SPON1: variants seen among roughly 807,000 people sequenced by gnomAD.
SPON1 encodes the protein spondin 1, also known as spondin-1.
In SPON1, 52 loss-of-function variants were observed where a neutral mutation model predicts 111.7. That is an observed-to-expected ratio of 0.47 (90% CI 0.37 to 0.59). The LOEUF is 0.59. SPON1 is among the 20% of genes least tolerant of loss of function. SPON1 has a pLI of 0.00. For synonymous variants in SPON1, 410 were observed against 395.8 expected (o/e 1.04, Z -0.43); for missense variants, 957 against 1,068.5 (o/e 0.90, Z 1.46).
intron 2 of SPON1, among the ~76,000 whole-genome samples, chr11:13,986,886 C>T (rs916714416): frequency 7.9e-5 from 12 of 152,140 alleles, no homozygotes; most frequent in African/African-American, 2.9e-4. Context: ...CTGCAAAGGA[C>T]ATGAACTCAT....
intron 6 of SPON1, among the ~76,000 whole-genome samples, chr11:14,168,520 T>C (rs1171079478): frequency 1.3e-5 from 2 of 152,194 alleles, no homozygotes; most frequent in Admixed American, 1.3e-4. Flanking sequence ...ATTTTTATTA[T>C]ACTTTAAGTT....
At chr11:13,986,317 C>T (rs1341482360) in intron 2 of SPON1, among the ~76,000 whole-genome samples, 2 of 152,172 alleles carry the variant, frequency 1.3e-5, no homozygotes, top group African/African-American at 4.8e-5. Context: ...AACACCTTCA[C>T]TTCAAATATG....
intron 1 of SPON1, among the ~76,000 whole-genome samples, chr11:13,979,588 C>T (rs1040930591): frequency 4.3e-4 from 65 of 152,250 alleles, no homozygotes; most frequent in African/African-American, 1.5e-3. Context: ...TAGTTTCAGT[C>T]AGATCCTGCG....
rs1329477466 is a variant in SPON1 at position 14,096,621 on chromosome 11, T to C, written c.676+16600T>C. On this transcript the variant is annotated intron_variant, in intron 5 of 15. Coordinates refer to ENST00000576479, the MANE Select transcript of SPON1 (RefSeq NM_006108.4). ...GTCCTCTTCCAGCAGCCACAGCTTC[T>C]GCCCAGCCACCCTGTCTTCCAGCTT... is the stretch of plus-strand genomic sequence containing the variant. Among the ~76,000 whole-genome samples, 48 of 152,196 alleles carry C rather than the reference T, an allele frequency of 3.2e-4. 1 individual carries two copies. The highest frequency in any genetic ancestry group is 2.6e-3 in the Admixed American group (39 of 15,274).
At chr11:14,067,313 T>G (rs1848840629) in intron 3 of SPON1, among the ~76,000 whole-genome samples, 1 of 152,192 alleles carries the variant, frequency 6.6e-6, no homozygotes, top group African/African-American at 2.4e-5. Context: ...CATGCCTCTT[T>G]CCATCAGTTA....
chr11:13,969,405 G>A (rs948875614), intron 1 of SPON1, among the ~76,000 whole-genome samples: 1 of 152,032 alleles, frequency 6.6e-6, no homozygotes, highest in Non-Finnish European at 1.5e-5. Context: ...AAAAAGAGCA[G>A]AGGCAGGAGT....
In SPON1 at chr11:14,161,263, A is replaced by C. The variant is rs1450594341; in HGVS notation, c.825+25695A>C. ...TATATATCTATATATTTATATATTTATATATCTGTATATCTATATATATTT... is the reference window on the plus strand; with the variant it reads ...TATATATCTATATATTTATATATTTCTATATCTGTATATCTATATATATTT... On this transcript the variant is annotated intron_variant, in intron 6 of 15. Coordinates refer to ENST00000576479, the MANE Select transcript of SPON1 (RefSeq NM_006108.4). 6.0e-5 allele frequency among the ~76,000 whole-genome samples: 2 copies of C among 33,288 alleles called. 1 individual carries two copies. Among genetic ancestry groups the C allele is most frequent in the African/African-American group, 1.8e-4 (2 of 10,892 alleles). 21.8% of individuals were successfully genotyped at this position (33,288 alleles called of 152,430 possible). A position where few individuals can be genotyped will look rare whatever the true frequency, so the allele number is the denominator to read the frequency against.
At chr11:14,263,049 T>G in intron 15 of SPON1, 74 bp downstream of exon 15, 1 of 1,153,846 alleles carries the variant, frequency 8.7e-7, no homozygotes, top group Non-Finnish European at 1.1e-6. Context: ...GTCTTGGACC[T>G]GTTTAAAAAA....
Position 14,225,997 on chromosome 11 carries a change from A to C in SPON1, c.826-17335A>C, listed in dbSNP as rs554031605. On this transcript the variant is annotated intron_variant, in intron 6 of 15. Transcript: ENST00000576479. ...AGGTGGCATTTTGATTACAATCTTCAATTTGGATTTTTAAAAATTTGTAAT... is the reference window on the plus strand; with the variant it reads ...AGGTGGCATTTTGATTACAATCTTCCATTTGGATTTTTAAAAATTTGTAAT... 2.2e-3 allele frequency among the ~76,000 whole-genome samples: 335 copies of C among 152,322 alleles called. 2 individuals carry two copies. Among genetic ancestry groups the C allele is most frequent in the African/African-American group, 7.1e-3 (295 of 41,570 alleles).
chr11:14,178,210 CAGG>C (rs1245544336), intron 6 of SPON1, among the ~76,000 whole-genome samples: 1 of 152,056 alleles, frequency 6.6e-6, no homozygotes, highest in Non-Finnish European at 1.5e-5. Context: ...ATCACAAGGT[CAGG>C]AGATCAAGAC....
At chr11:14,163,239 C>T (rs1327569852) in intron 6 of SPON1, among the ~76,000 whole-genome samples, 1 of 152,184 alleles carries the variant, frequency 6.6e-6, no homozygotes, top group African/African-American at 2.4e-5. Context: ...TTATTATCCA[C>T]ATTTTGTACT....
At chr11:14,153,214 G>A (rs1191161341) in intron 6 of SPON1, among the ~76,000 whole-genome samples, 2 of 152,140 alleles carry the variant, frequency 1.3e-5, no homozygotes, top group East Asian at 1.9e-4. Context: ...CTTGGACAAT[G>A]GAAAAACCTT....
intron 5 of SPON1, among the ~76,000 whole-genome samples, chr11:14,107,203 A>C (rs1554925019): frequency 6.6e-6 from 1 of 152,262 alleles, no homozygotes; most frequent in Non-Finnish European, 1.5e-5. Context: ...TGGGACAGTT[A>C]GTGTTTACAG....
intron 5 of SPON1, among the ~76,000 whole-genome samples, chr11:14,091,379 G>T (rs1849055046): frequency 6.6e-6 from 1 of 152,220 alleles, no homozygotes; most frequent in Non-Finnish European, 1.5e-5. Context: ...GGAGCAGGGG[G>T]TGGTGCTCGT....
intron 5 of SPON1, 95 bp downstream of exon 5, chr11:14,080,116 C>A: frequency 6.9e-7 from 1 of 1,457,822 alleles, no homozygotes; most frequent in Non-Finnish European, 9.5e-7. Context: ...GTCAGATCTG[C>A]TCCCTAGTAT....
chr11:13,976,312 A>C (rs1848103358), intron 1 of SPON1, among the ~76,000 whole-genome samples: 1 of 152,138 alleles, frequency 6.6e-6, no homozygotes, highest in East Asian at 1.9e-4. Context: ...ATTAGAGAGA[A>C]GATTCTATTA....
chr11:14,168,560 T>C (rs1053676192), intron 6 of SPON1, among the ~76,000 whole-genome samples: 9 of 152,272 alleles, frequency 5.9e-5, no homozygotes, highest in African/African-American at 2.2e-4. Flanking sequence ...CGTGCAGGTT[T>C]GTTACCTATG....
At chr11:14,102,042 C>A (rs1483290883) in intron 5 of SPON1, among the ~76,000 whole-genome samples, 2 of 152,124 alleles carry the variant, frequency 1.3e-5, no homozygotes, top group Admixed American at 6.5e-5. Flanking sequence ...TGTCCTTTTA[C>A]CTCTAAATAC....
chr11:14,182,718 G>A (rs1195524565), intron 6 of SPON1, among the ~76,000 whole-genome samples: 10 of 152,124 alleles, frequency 6.6e-5, no homozygotes, highest in Admixed American at 1.3e-4. Context: ...TCCATAAAAG[G>A]CTCCTTTTTC....
Sources: allele counts gnomAD v4.1 joint callset (sites outside exome capture counted in the v4.1 genomes callset), GRCh38; gene constraint gnomAD v4.1.1; transcripts MANE v1.5; gene names NCBI Gene and HGNC (gene_info 2026-07-23, HGNC 2026-07-21).